PIBF1: variants seen among roughly 807,000 people sequenced by gnomAD.
PIBF1 encodes progesterone-induced-blocking factor 1.
Under a neutral mutation model 112.5 loss-of-function variants are expected in PIBF1, and 90 were observed. The ratio of observed to expected loss-of-function variants is 0.80; its 90% CI spans 0.67 to 0.95. PIBF1 has a LOEUF of 0.95. Among genes scored for constraint, PIBF1 ranks in the 40% least tolerant of loss-of-function variants. PIBF1 has a pLI of 0.00. For synonymous variants in PIBF1, 301 were observed against 288.6 expected, an observed-to-expected ratio of 1.04 and a Z score of -0.44; for missense variants, 915 against 852.3, an observed-to-expected ratio of 1.07 and a Z score of -0.92.
intron 14 of PIBF1, among the ~76,000 whole-genome samples, chr13:72,933,759 G>A (rs1442400320): frequency 1.3e-5 from 2 of 152,178 alleles, no homozygotes; most frequent in Non-Finnish European, 2.9e-5. Flanking sequence ...CTATAATTAA[G>A]TATAATTAAC....
At chr13:72,800,785 T>G (rs1215823789) in intron 5 of PIBF1, among the ~76,000 whole-genome samples, 1 of 152,198 alleles carries the variant, frequency 6.6e-6, no homozygotes, top group Non-Finnish European at 1.5e-5. Context: ...GCAAATCATG[T>G]AGTGTGACAA....
At chr13:72,892,596 C>G (rs1033304120) in intron 10 of PIBF1, among the ~76,000 whole-genome samples, 9 of 151,966 alleles carry the variant, frequency 5.9e-5, no homozygotes, top group Non-Finnish European at 1.3e-4. Flanking sequence ...GCAGTGTGTT[C>G]CTATTAAAGA....
chr13:72,835,193 C>A, intron 8 of PIBF1, 50 bp from the exon 9 acceptor site: 1 of 1,425,392 alleles, frequency 7.0e-7, no homozygotes, highest in South Asian at 1.5e-5. Context: ...GTGCAAAAGC[C>A]TATTTGTTTC....
intron 8 of PIBF1, among the ~76,000 whole-genome samples, chr13:72,830,922 G>A (rs1468385729): frequency 5.3e-5 from 8 of 151,864 alleles, no homozygotes; most frequent in African/African-American, 1.9e-4. Context: ...TTGGTTGGTA[G>A]GCTATTACTG....
chr13:72,823,379 A>G (rs1007351192), intron 6 of PIBF1, among the ~76,000 whole-genome samples: 1 of 152,186 alleles, frequency 6.6e-6, no homozygotes, highest in African/African-American at 2.4e-5. Flanking sequence ...ATTTACTATA[A>G]TAAAAACCTA....
At chr13:72,858,025 G>GCTTTT (rs1555299662) in intron 10 of PIBF1, among the ~76,000 whole-genome samples, 230 of 17,548 alleles carry the variant, frequency 0.013, no homozygotes, top group Middle Eastern at 0.087. Context: ...AATGTACATT[G>GCTTTT]TGTGTGTGTG....
At chr13:72,888,077 A>G (rs1407439280) in intron 10 of PIBF1, among the ~76,000 whole-genome samples, 1 of 152,108 alleles carries the variant, frequency 6.6e-6, no homozygotes, top group African/African-American at 2.4e-5. Flanking sequence ...TTGTTTTTGG[A>G]AATTCAACCA....
At chr13:72,894,954 G>A (rs559725660) in intron 11 of PIBF1, among the ~76,000 whole-genome samples, 4 of 151,470 alleles carry the variant, frequency 2.6e-5, no homozygotes, top group Non-Finnish European at 4.4e-5. Flanking sequence ...GTGAAACCTC[G>A]TCTACTACTA....
chr13:72,912,366 A>G (rs1277710443), intron 12 of PIBF1, among the ~76,000 whole-genome samples: 5 of 152,230 alleles, frequency 3.3e-5, no homozygotes, highest in Admixed American at 2.6e-4. Context: ...AACATGGGCA[A>G]AAGGTTTAAA....
intron 11 of PIBF1, among the ~76,000 whole-genome samples, chr13:72,894,772 AGTGTGTG>A (rs1483244851): frequency 1.5e-5 from 2 of 137,218 alleles, no homozygotes; most frequent in African/African-American, 5.7e-5. Context: ...ATATATATAT[AGTGTGTG>A]TGTGTGTGTG....
intron 8 of PIBF1, among the ~76,000 whole-genome samples, chr13:72,831,876 G>A (rs527338738): frequency 6.6e-6 from 1 of 152,202 alleles, no homozygotes; most frequent in Non-Finnish European, 1.5e-5. Flanking sequence ...TTGTATGAGA[G>A]TCTAAGTCTG....
chr13:72,942,981 A>G (rs1352253952), intron 14 of PIBF1, among the ~76,000 whole-genome samples: 2 of 152,210 alleles, frequency 1.3e-5, no homozygotes, highest in African/African-American at 2.4e-5. Context: ...AGCCCAGGTG[A>G]CAGAGCAAGA....
chr13:73,013,705 C>T (rs2044289097), intron 17 of PIBF1, among the ~76,000 whole-genome samples: 1 of 142,246 alleles, frequency 7.0e-6, no homozygotes, highest in African/African-American at 2.6e-5. Flanking sequence ...CCACTCCAGC[C>T]TGGGTAACAG....
intron 10 of PIBF1, among the ~76,000 whole-genome samples, chr13:72,866,687 A>G (rs2038941086): frequency 6.6e-6 from 1 of 152,202 alleles, no homozygotes; most frequent in Non-Finnish European, 1.5e-5. Context: ...CTAGCTTTAG[A>G]CAAGCTATGT....
At chr13:72,838,656 A>G (rs1395798693) in intron 9 of PIBF1, among the ~76,000 whole-genome samples, 1 of 152,198 alleles carries the variant, frequency 6.6e-6, no homozygotes, top group African/African-American at 2.4e-5. Flanking sequence ...GAATGGTTGA[A>G]GTATGGCTGC....
intron 10 of PIBF1, among the ~76,000 whole-genome samples, chr13:72,856,216 A>G (rs1006217951): frequency 6.6e-6 from 1 of 152,202 alleles, no homozygotes; most frequent in African/African-American, 2.4e-5. Context: ...TTCCTATGAT[A>G]ACTACTATTA....
intron 16 of PIBF1, among the ~76,000 whole-genome samples, chr13:72,987,699 A>G (rs1198225550): frequency 4.9e-5 from 7 of 144,252 alleles, no homozygotes; most frequent in Admixed American, 4.8e-4. Context: ...TTTTTTTGAG[A>G]AGGGGTCTTG....
At chr13:72,810,757 C>T (rs1345179661) in intron 5 of PIBF1, among the ~76,000 whole-genome samples, 2 of 151,810 alleles carry the variant, frequency 1.3e-5, no homozygotes, top group African/African-American at 2.4e-5. Context: ...AGATTTGCCT[C>T]TTTATATTAA....
intron 9 of PIBF1, among the ~76,000 whole-genome samples, chr13:72,853,104 A>AT (rs971512756): frequency 1.7e-4 from 26 of 149,464 alleles, no homozygotes; most frequent in South Asian, 4.2e-4. Context: ...TACTGTTGGT[A>AT]TTTTTTTTTT....
Sources: allele counts gnomAD v4.1 joint callset (sites outside exome capture counted in the v4.1 genomes callset), GRCh38; gene constraint gnomAD v4.1.1; transcripts MANE v1.5; gene names NCBI Gene and HGNC (gene_info 2026-07-23, HGNC 2026-07-21).